Variants in TBC1D5 observed in about 807,000 individuals in gnomAD.
TBC1D5 encodes TBC1 domain family member 5, also known as TBC1 domain family, member 5.
Under a neutral mutation model 100.3 loss-of-function variants are expected in TBC1D5, and 75 were observed. The observed-to-expected ratio is 0.75, with a 90% confidence interval of 0.62 to 0.91. TBC1D5 has a LOEUF of 0.91. Ranked by LOEUF, TBC1D5 falls within the 40% of genes least tolerant of loss-of-function variation. TBC1D5 has a pLI of 0.00. For missense variants in TBC1D5, 910 were observed against 942.4 expected, an observed-to-expected ratio of 0.97 and a Z score of 0.45; for synonymous variants, 323 against 325.6, an observed-to-expected ratio of 0.99 and a Z score of 0.09.
chr3:17,245,022 CA>C (rs34531807), intron 16 of TBC1D5, among the ~76,000 whole-genome samples: 75 of 35,358 alleles, frequency 2.1e-3, no homozygotes, highest in African/African-American at 4.9e-3. Context: ...CCTGTCTCTA[CA>C]AAAAAAAAAA....
intron 2 of TBC1D5, among the ~76,000 whole-genome samples, chr3:17,585,550 T>C (rs990709422): frequency 4.6e-5 from 7 of 152,154 alleles, no homozygotes; most frequent in African/African-American, 1.7e-4. Flanking sequence ...TGACAGCTTA[T>C]ATTGAATGGG....
chr3:17,528,215 G>A (rs372494702), intron 2 of TBC1D5, among the ~76,000 whole-genome samples: 2 of 152,186 alleles, frequency 1.3e-5, no homozygotes, highest in South Asian at 2.1e-4. Flanking sequence ...GTGAGCCACC[G>A]TACCCAGCCC....
intron 2 of TBC1D5, among the ~76,000 whole-genome samples, chr3:17,511,722 A>G (rs921597091): frequency 2.0e-5 from 3 of 152,048 alleles, no homozygotes; most frequent in Non-Finnish European, 4.4e-5. Context: ...AGTCTATGAT[A>G]ATATCCAATA....
intron 3 of TBC1D5, among the ~76,000 whole-genome samples, chr3:17,479,530 T>C (rs1272385403): frequency 6.6e-6 from 1 of 152,218 alleles, no homozygotes; most frequent in African/African-American, 2.4e-5. Flanking sequence ...ATAAATGGAA[T>C]AAACATGTTT....
chr3:17,665,480 A>G (rs1306479358), intron 1 of TBC1D5, among the ~76,000 whole-genome samples: 1 of 152,186 alleles, frequency 6.6e-6, no homozygotes, highest in Non-Finnish European at 1.5e-5. Flanking sequence ...AAGTAATTCT[A>G]TCAACCAACA....
intron 4 of TBC1D5, among the ~76,000 whole-genome samples, chr3:17,419,027 G>T (rs1043186191): frequency 1.3e-5 from 2 of 152,138 alleles, no homozygotes; most frequent in Non-Finnish European, 2.9e-5. Context: ...TGGGGGTCCT[G>T]AAATCCATCC....
intron 2 of TBC1D5, among the ~76,000 whole-genome samples, chr3:17,534,875 T>C (rs1028365633): frequency 5.9e-5 from 9 of 152,262 alleles, no homozygotes; most frequent in African/African-American, 1.9e-4. Context: ...AGTAAAAGCA[T>C]AGAAGTGTAA....
intron 18 of TBC1D5, among the ~76,000 whole-genome samples, chr3:17,200,717 A>G (rs907600425): frequency 2.6e-5 from 4 of 152,278 alleles, no homozygotes; most frequent in Non-Finnish European, 5.9e-5. Context: ...TGATCCATAC[A>G]TTCAATGCTT....
chr3:17,300,125 C>G (rs560704483), intron 14 of TBC1D5, among the ~76,000 whole-genome samples: 1 of 152,122 alleles, frequency 6.6e-6, no homozygotes, highest in South Asian at 2.1e-4. Flanking sequence ...GACTGTTAAA[C>G]TAAGATATAA....
intron 21 of TBC1D5, among the ~76,000 whole-genome samples, chr3:17,166,391 A>C (rs2066597895): frequency 6.6e-6 from 1 of 152,178 alleles, no homozygotes; most frequent in African/African-American, 2.4e-5. Flanking sequence ...AGCATTAGGA[A>C]AGCCTAGACA....
At chr3:17,655,043 T>C (rs2065924420) in intron 1 of TBC1D5, among the ~76,000 whole-genome samples, 1 of 151,764 alleles carries the variant, frequency 6.6e-6, no homozygotes, top group African/African-American at 2.4e-5. Flanking sequence ...TATTTGATTC[T>C]TCTCTCTTTT....
chr3:17,404,821 A>G, intron 6 of TBC1D5, 51 bp downstream of exon 6: 2 of 1,578,478 alleles, frequency 1.3e-6, no homozygotes, highest in Non-Finnish European at 1.7e-6. Flanking sequence ...ACTGGACTTT[A>G]AAGTGTACAT....
chr3:17,323,644 G>A (rs959075571), intron 13 of TBC1D5, among the ~76,000 whole-genome samples: 2 of 151,898 alleles, frequency 1.3e-5, no homozygotes, highest in Non-Finnish European at 1.5e-5. Context: ...AAATGTAATA[G>A]CTGTGTGCTG....
At chr3:17,216,729 A>T (rs2073683280) in intron 17 of TBC1D5, among the ~76,000 whole-genome samples, 1 of 152,104 alleles carries the variant, frequency 6.6e-6, no homozygotes, top group Admixed American at 6.6e-5. Flanking sequence ...TTTTCACGGT[A>T]ATAATCTCAA....
intron 18 of TBC1D5, among the ~76,000 whole-genome samples, chr3:17,201,379 C>T (rs1302137644): frequency 2.0e-5 from 3 of 152,106 alleles, no homozygotes; most frequent in Non-Finnish European, 4.4e-5. Context: ...CATGAGATTC[C>T]GGGTGCTTAC....
intron 3 of TBC1D5, among the ~76,000 whole-genome samples, chr3:17,465,985 G>A (rs1158171623): frequency 6.6e-6 from 1 of 152,166 alleles, no homozygotes; most frequent in Non-Finnish European, 1.5e-5. Flanking sequence ...CTCAACTATT[G>A]TGAAGAATTC....
intron 15 of TBC1D5, among the ~76,000 whole-genome samples, chr3:17,270,167 A>C (rs983981852): frequency 3.9e-5 from 6 of 152,034 alleles, no homozygotes; most frequent in African/African-American, 1.2e-4. Context: ...GTTATTTTTC[A>C]ACTTTTTAAT....
chr3:17,390,789 A>G (rs1416853011), intron 8 of TBC1D5, among the ~76,000 whole-genome samples: 1 of 152,162 alleles, frequency 6.6e-6, no homozygotes, highest in Non-Finnish European at 1.5e-5. Context: ...CCAAGACCAC[A>G]ACAAGGAACA....
intron 3 of TBC1D5, among the ~76,000 whole-genome samples, chr3:17,496,338 G>T (rs1416764816): frequency 6.6e-6 from 1 of 152,104 alleles, no homozygotes; most frequent in East Asian, 1.9e-4. Context: ...TAAACACATT[G>T]TTCTAATATG....
Sources: gnomAD v4.1 joint callset for allele counts (sites outside exome capture counted in the v4.1 genomes callset) on GRCh38, gnomAD v4.1.1 for gene constraint, MANE v1.5 for transcripts, NCBI Gene and HGNC (gene_info 2026-07-23, HGNC 2026-07-21) for gene names.